Variants in CERS6 observed in about 807,000 individuals in gnomAD.
CERS6 encodes LAG1 homolog, ceramide synthase 6.
Under a neutral mutation model 56.8 loss-of-function variants are expected in CERS6, and 26 were observed. That is an observed-to-expected ratio of 0.46 (90% confidence interval 0.34 to 0.63). CERS6 has a LOEUF of 0.63. Ranked by LOEUF, CERS6 falls within the 30% of genes least tolerant of loss-of-function variation. The probability of loss-of-function intolerance (pLI) is 0.01; values close to 1 mark genes in which losing one functional copy is unlikely to be tolerated. For missense variants in CERS6, 415 were observed against 467.5 expected (o/e 0.89, Z 1.04); for synonymous variants, 164 against 173.3 (o/e 0.95, Z 0.42).
Position 168,774,654 on chromosome 2 carries a change from A to T in CERS6, c.*4992A>T, listed in dbSNP as rs1205545884. On this transcript the variant is annotated 3_prime_UTR_variant, in exon 10 of 10. Coordinates refer to ENST00000305747, the MANE Select transcript of CERS6 (RefSeq NM_203463.3). ...ATAAGATTACCTGCAAAAAAAAAAA[A>T]GAAATGAGTTATGGAATAGGAACAG... 1 of 152,048 alleles carries T rather than the reference A, an allele frequency of 6.6e-6. No homozygotes were observed. Among genetic ancestry groups the T allele is most frequent in the African/African-American group, 2.4e-5 (1 of 41,418 alleles). 9.4% of individuals were successfully genotyped at this position (152,048 alleles called of 1,614,324 possible). A position where few individuals can be genotyped will look rare whatever the true frequency, so the allele number is the denominator to read the frequency against.
intron 4 of CERS6, among the ~76,000 whole-genome samples, chr2:168,660,359 A>G (rs757077355): frequency 8.5e-5 from 13 of 152,094 alleles, no homozygotes; most frequent in Non-Finnish European, 1.5e-4. Flanking sequence ...GCTAATTATC[A>G]CCTAATGAGG....
intron 8 of CERS6, among the ~76,000 whole-genome samples, chr2:168,741,406 G>A (rs1683903131): frequency 6.7e-6 from 1 of 150,186 alleles, no homozygotes; most frequent in East Asian, 1.9e-4. Context: ...GACAAACTTA[G>A]CTAGAAAACC....
chr2:168,665,774 A>T (rs1685741931), intron 4 of CERS6, among the ~76,000 whole-genome samples: 1 of 152,222 alleles, frequency 6.6e-6, no homozygotes, highest in Non-Finnish European at 1.5e-5. Flanking sequence ...ATAAAACAAG[A>T]TTATGCAACT....
At chr2:168,648,281 C>T (rs1461009857) in intron 4 of CERS6, among the ~76,000 whole-genome samples, 1 of 152,046 alleles carries the variant, frequency 6.6e-6, no homozygotes, top group African/African-American at 2.4e-5. Flanking sequence ...GTGTCCATCT[C>T]TTCTTGGTTT....
chr2:168,503,814 G>C (rs1470902599), intron 1 of CERS6, among the ~76,000 whole-genome samples: 3 of 152,156 alleles, frequency 2.0e-5, no homozygotes. Flanking sequence ...AAATAAGGGA[G>C]TCAGGGGAGG....
chr2:168,506,197 G>A (rs1048255045), intron 1 of CERS6, among the ~76,000 whole-genome samples: 2 of 152,106 alleles, frequency 1.3e-5, no homozygotes, highest in Non-Finnish European at 2.9e-5. Flanking sequence ...AAATTGAAAC[G>A]CTTGGCTGTG....
At chr2:168,688,462 C>T (rs952318743) in intron 4 of CERS6, among the ~76,000 whole-genome samples, 49 of 151,644 alleles carry the variant, frequency 3.2e-4, no homozygotes, top group African/African-American at 1.2e-3. Flanking sequence ...ACAGCCAATC[C>T]AGATTCATAC....
At chr2:168,591,342 A>ATGT (rs1168401430) in intron 3 of CERS6, among the ~76,000 whole-genome samples, 3 of 152,226 alleles carry the variant, frequency 2.0e-5, no homozygotes, top group Non-Finnish European at 4.4e-5. Context: ...ATGAAGTTTC[A>ATGT]TGTTGTCCCT....
rs528113883 is a variant in CERS6, at chr2:168,534,579, A to G, written c.171-13017A>G. On this transcript the variant is annotated intron_variant, in intron 1 of 9. Coordinates refer to ENST00000305747, the MANE Select transcript of CERS6 (RefSeq NM_203463.3). ...AGATGTCACTCAAGGAGGCTGGAGA[A>G]CAGCAAGGATGGGTGCCTGCTCCTT... 9.1e-4 allele frequency among the ~76,000 whole-genome samples: 138 copies of G among 152,164 alleles called. 1 individual carries two copies. The highest frequency in any genetic ancestry group is 8.4e-4 in the Non-Finnish European group (57 of 67,982).
At chr2:168,694,685 T>A (rs1264301320) in intron 5 of CERS6, among the ~76,000 whole-genome samples, 1 of 152,166 alleles carries the variant, frequency 6.6e-6, no homozygotes, top group African/African-American at 2.4e-5. Context: ...CAAAGAATCA[T>A]AAATGCTGTT....
intron 8 of CERS6, among the ~76,000 whole-genome samples, chr2:168,720,094 A>ATT (rs758972547): frequency 4.3e-5 from 6 of 140,566 alleles, no homozygotes; most frequent in African/African-American, 5.2e-5. Flanking sequence ...GACCGGTCTA[A>ATT]TTTTTTTTTT....
chr2:168,656,521 G>A (rs1574134075), intron 4 of CERS6, among the ~76,000 whole-genome samples: 1 of 152,008 alleles, frequency 6.6e-6, no homozygotes, highest in East Asian at 1.9e-4. Context: ...GAGTGAAGCT[G>A]CAGACCTTCG....
chr2:168,699,636 T>C (rs908327278), intron 6 of CERS6, among the ~76,000 whole-genome samples: 1 of 152,144 alleles, frequency 6.6e-6, no homozygotes, highest in African/African-American at 2.4e-5. Context: ...GAATCTGAAG[T>C]TTAAAAATGA....
Position 168,760,742 on chromosome 2 carries a change from A to G in CERS6, c.846-4850A>G, listed in dbSNP as rs145999248. ...TCTTTCCTGGGTTTACTGTTTGTTT[A>G]TTTATTTATTTATTTATTTATTTAT... On this transcript the variant is annotated intron_variant, in intron 8 of 9. Transcript: ENST00000305747. Among the ~76,000 whole-genome samples, 22 of 120,380 alleles carry G rather than the reference A, an allele frequency of 1.8e-4. No individual in the cohort carries two copies. In the South Asian group the frequency reaches 2.3e-3, roughly 13 times the overall value. 79.0% of individuals were successfully genotyped at this position (120,380 alleles called of 152,430 possible).
intron 4 of CERS6, among the ~76,000 whole-genome samples, chr2:168,656,858 G>A (rs1273073713): frequency 1.3e-5 from 2 of 152,146 alleles, no homozygotes; most frequent in Non-Finnish European, 1.5e-5. Flanking sequence ...GCTGATTGGT[G>A]CGTTTACAAT....
At chr2:168,677,357 T>C (rs1686090788) in intron 4 of CERS6, among the ~76,000 whole-genome samples, 1 of 152,226 alleles carries the variant, frequency 6.6e-6, no homozygotes, top group Admixed American at 6.5e-5. Context: ...ACTCACTCTT[T>C]TTTATACTGC....
chr2:168,704,291 G>A lies in CERS6; in HGVS notation c.609+9240G>A, dbSNP rs192472015. On this transcript the variant is annotated intron_variant, in intron 6 of 9. Coordinates refer to ENST00000305747, the MANE Select transcript of CERS6 (RefSeq NM_203463.3). ...GGGCTGCAGCATTACAGAGAGCCAC[G>A]CGGTGCTGCTGGTCTCGGGCTCTGG... Among the ~76,000 whole-genome samples, 384 of 152,186 alleles carry A rather than the reference G, an allele frequency of 2.5e-3. 1 individual carries two copies. The highest frequency in any genetic ancestry group is 8.6e-3 in the African/African-American group (358 of 41,538).
chr2:168,629,095 C>T (rs1449433056), intron 3 of CERS6, among the ~76,000 whole-genome samples: 1 of 152,168 alleles, frequency 6.6e-6, no homozygotes, highest in Admixed American at 6.5e-5. Context: ...AAATATTCAT[C>T]ACAAGTTGCT....
intron 1 of CERS6, among the ~76,000 whole-genome samples, chr2:168,503,543 G>A (rs958195567): frequency 2.6e-5 from 4 of 152,138 alleles, no homozygotes; most frequent in African/African-American, 7.2e-5. Flanking sequence ...TTAATGTTTT[G>A]GTAGCCTTAA....
Sources: gnomAD v4.1 joint callset for allele counts (sites outside exome capture counted in the v4.1 genomes callset) on GRCh38, gnomAD v4.1.1 for gene constraint, MANE v1.5 for transcripts, NCBI Gene and HGNC (gene_info 2026-07-23, HGNC 2026-07-21) for gene names.